NSUN7: variants seen among roughly 807,000 people sequenced by gnomAD.
NSUN7 encodes the protein NOP2/Sun RNA methyltransferase family member 7.
NSUN7 carries 39 observed loss-of-function variants against 58.5 expected under a neutral mutation model. The ratio of observed to expected loss-of-function variants is 0.67; its 90% CI spans 0.52 to 0.87. The LOEUF (loss-of-function observed/expected upper bound fraction) is 0.87, where lower values mean the gene tolerates loss of function less well. Among genes scored for constraint, NSUN7 ranks in the 40% least tolerant of loss-of-function variants. NSUN7 has a pLI of 0.00. For synonymous variants in NSUN7, 278 were observed against 303.7 expected (o/e 0.92, Z 0.88); for missense variants, 765 against 844.1 (o/e 0.91, Z 1.16).
At chr4:40,772,135 A>C (rs1208324950) in intron 4 of NSUN7, among the ~76,000 whole-genome samples, 1 of 152,172 alleles carries the variant, frequency 6.6e-6, no homozygotes. Context: ...ATCATGGTCC[A>C]AAATGTTTAC....
chr4:40,760,466 A>T lies in NSUN7; in HGVS notation c.331A>T (p.Ser111Cys), dbSNP rs141988259. 85 of 1,609,434 alleles carry T rather than the reference A, an allele frequency of 5.3e-5. No individual in the cohort carries two copies. Among genetic ancestry groups the T allele is most frequent in the Middle Eastern group, 1.6e-4 (1 of 6,072 alleles). ...QDILETILIDSCIFPSTTIPD... is the reference protein window; with the variant it reads ...QDILETILIDCCIFPSTTIPD... ...TATTTTGGAAACTATATTGATAGAC[A>T]GCTGTATCTTCCCAAGTACCACAAT... Residue 111 changes from serine (S) to cysteine (C), a missense_variant, in exon 3 of 12, where the codon AGC becomes TGC. By Grantham distance (112) the Ser-to-Cys change is moderately radical. Coordinates refer to ENST00000381782, the MANE Select transcript of NSUN7 (RefSeq NM_024677.6).
At chr4:40,792,668 T>A (rs112587773) in intron 8 of NSUN7, among the ~76,000 whole-genome samples, 29 of 152,136 alleles carry the variant, frequency 1.9e-4, no homozygotes, top group East Asian at 5.8e-4. Flanking sequence ...GGAGAATGGC[T>A]TGAACCCCGG....
intron 7 of NSUN7, 88 bp from the exon 8 acceptor site, chr4:40,790,514 A>G: frequency 1.2e-6 from 1 of 841,496 alleles, no homozygotes; most frequent in South Asian, 2.3e-5. Flanking sequence ...TGAGGATTTT[A>G]AAATGTACAA....
Position 40,809,023 on chromosome 4 carries a change from C to G in NSUN7, c.*84C>G. ...TTTCTCTGAAGATTCTACATCTCTACACAAGATATTCATTCTTTTGGTCAC... is the reference window on the plus strand; with the variant it reads ...TTTCTCTGAAGATTCTACATCTCTAGACAAGATATTCATTCTTTTGGTCAC... On this transcript the variant is annotated 3_prime_UTR_variant, in exon 12 of 12. Transcript: ENST00000381782. 7.6e-7 allele frequency: 1 copy of G among 1,323,452 alleles called. No homozygotes were observed. Among genetic ancestry groups the G allele is most frequent in the South Asian group, 1.6e-5 (1 of 61,990 alleles). The allele number at this position is 1,323,452 out of a possible 1,614,324, so 82.0% of individuals were successfully genotyped here. A position where few individuals can be genotyped will look rare whatever the true frequency, so the allele number is the denominator to read the frequency against.
At chr4:40,763,619 T>C (rs1741567838) in intron 4 of NSUN7, among the ~76,000 whole-genome samples, 1 of 152,156 alleles carries the variant, frequency 6.6e-6, no homozygotes. Context: ...AAGTAGACTT[T>C]AGCTGAGGAT....
At chr4:40,773,513 T>C (rs919323961) in intron 4 of NSUN7, among the ~76,000 whole-genome samples, 6 of 151,904 alleles carry the variant, frequency 3.9e-5, no homozygotes, top group African/African-American at 7.3e-5. Flanking sequence ...CGAAACCCCA[T>C]CTGTACTAAA....
chr4:40,759,346 A>T (rs1021402886), intron 2 of NSUN7, among the ~76,000 whole-genome samples: 2 of 152,228 alleles, frequency 1.3e-5, no homozygotes, highest in Admixed American at 1.3e-4. Flanking sequence ...AGCATTTGTT[A>T]TATGATGTAT....
At chr4:40,788,311 A>G (rs1742926869) in intron 7 of NSUN7, among the ~76,000 whole-genome samples, 1 of 152,212 alleles carries the variant, frequency 6.6e-6, no homozygotes, top group Non-Finnish European at 1.5e-5. Flanking sequence ...GTTAGCATTT[A>G]CATAATATTG....
intron 7 of NSUN7, among the ~76,000 whole-genome samples, chr4:40,780,345 G>A (rs534773435): frequency 6.6e-6 from 1 of 152,260 alleles, no homozygotes; most frequent in Non-Finnish European, 1.5e-5. Flanking sequence ...GCTCATTCCT[G>A]TAATTCCATT....
intron 4 of NSUN7, among the ~76,000 whole-genome samples, chr4:40,766,458 T>A (rs1741732088): frequency 1.3e-5 from 2 of 152,054 alleles, no homozygotes; most frequent in South Asian, 4.2e-4. Flanking sequence ...GATAAGCTTT[T>A]TGATGTGCTG....
intron 7 of NSUN7, among the ~76,000 whole-genome samples, chr4:40,783,611 G>C (rs916603186): frequency 1.3e-5 from 2 of 152,138 alleles, no homozygotes; most frequent in Non-Finnish European, 2.9e-5. Flanking sequence ...ACTTTGGGAG[G>C]CCGAGGTGAG....
intron 2 of NSUN7, among the ~76,000 whole-genome samples, chr4:40,751,280 C>T (rs1172601945): frequency 6.6e-6 from 1 of 152,114 alleles, no homozygotes; most frequent in Non-Finnish European, 1.5e-5. Context: ...TCATTTCCCT[C>T]TCCCTGTATT....
intron 8 of NSUN7, among the ~76,000 whole-genome samples, chr4:40,792,146 TAATC>T (rs1743097656): frequency 6.6e-6 from 1 of 151,410 alleles, no homozygotes; most frequent in Non-Finnish European, 1.5e-5. Flanking sequence ...CTTTAAGAAA[TAATC>T]AAAGAACAAT....
At chr4:40,807,325 C>A in intron 11 of NSUN7, 141 bp downstream of exon 11, 2 of 688,114 alleles carry the variant, frequency 2.9e-6, no homozygotes, top group Non-Finnish European at 4.6e-6. Flanking sequence ...AGGGCAGGAA[C>A]AAGAATTGGC....
At chr4:40,767,579 T>G (rs1413705634) in intron 4 of NSUN7, among the ~76,000 whole-genome samples, 3 of 152,174 alleles carry the variant, frequency 2.0e-5, no homozygotes, top group Non-Finnish European at 4.4e-5. Flanking sequence ...GGTGGAGAGT[T>G]CTGTAGATGT....
intron 2 of NSUN7, among the ~76,000 whole-genome samples, chr4:40,751,559 T>A (rs1740835279): frequency 6.6e-6 from 1 of 152,100 alleles, no homozygotes; most frequent in African/African-American, 2.4e-5. Flanking sequence ...GTGCAAAATT[T>A]AAAAAATGAA....
rs755869643 is a variant in NSUN7 at position 40,794,480 on chromosome 4, A to C, written c.1282+4A>C. On this transcript the variant is annotated splice_donor_region_variant and intron_variant, in intron 9 of 11. Coordinates refer to ENST00000381782, the MANE Select transcript of NSUN7 (RefSeq NM_024677.6). ...CAGCTAACACATGCAATGAAATGTA[A>C]GGTTGTCATAGGCACCATCTTGTTA... The C allele has an allele frequency of 1.5e-5, 23 of 1,527,010 alleles. No homozygotes were observed. Among genetic ancestry groups the C allele is most frequent in the Non-Finnish European group, 2.1e-5 (23 of 1,103,376 alleles). 94.6% of individuals were successfully genotyped at this position (1,527,010 alleles called of 1,614,324 possible). A position where few individuals can be genotyped will look rare whatever the true frequency, so the allele number is the denominator to read the frequency against.
chr4:40,782,076 C>A (rs1200289744), intron 7 of NSUN7, among the ~76,000 whole-genome samples: 2 of 151,994 alleles, frequency 1.3e-5, no homozygotes, highest in Non-Finnish European at 2.9e-5. Context: ...AATGAATAAA[C>A]TATTAGAACT....
chr4:40,766,358 G>A (rs1175789557), intron 4 of NSUN7, among the ~76,000 whole-genome samples: 2 of 151,618 alleles, frequency 1.3e-5, no homozygotes, highest in Non-Finnish European at 2.9e-5. Context: ...TTTTGTCTTT[G>A]GTTCTGTTTA....
Sources: allele counts gnomAD v4.1 joint callset (sites outside exome capture counted in the v4.1 genomes callset), GRCh38; gene constraint gnomAD v4.1.1; transcripts MANE v1.5; gene names NCBI Gene and HGNC (gene_info 2026-07-23, HGNC 2026-07-21).